The following GRK5 variants were observed in gnomAD, a reference collection of about 807,000 sequenced individuals.
GRK5 encodes g protein-coupled receptor kinase GRK5.
In GRK5, 40 loss-of-function variants were observed where a neutral mutation model predicts 78.4. That is an observed-to-expected ratio of 0.51 (90% CI 0.40 to 0.66). The LOEUF (loss-of-function observed/expected upper bound fraction) is 0.66, where lower values mean the gene tolerates loss of function less well. Ranked by LOEUF, GRK5 falls within the 30% of genes least tolerant of loss-of-function variation. The probability of loss-of-function intolerance (pLI) is 0.00; values close to 1 mark genes in which losing one functional copy is unlikely to be tolerated. For missense variants in GRK5, 598 were observed against 759.9 expected (o/e 0.79, Z 2.50); for synonymous variants, 289 against 296.8 (o/e 0.97, Z 0.27).
intron 1 of GRK5, among the ~76,000 whole-genome samples, chr10:119,243,798 A>G (rs888332533): frequency 6.6e-6 from 1 of 152,236 alleles, no homozygotes; most frequent in African/African-American, 2.4e-5. Flanking sequence ...AGTGCCACAC[A>G]GTGAAAACCA....
intron 12 of GRK5, among the ~76,000 whole-genome samples, chr10:119,444,571 G>A (rs986649854): frequency 6.6e-6 from 1 of 152,104 alleles, no homozygotes; most frequent in Admixed American, 6.5e-5. Context: ...TCCTCCTTAT[G>A]GTCCCCAGCA....
At chr10:119,349,125 C>G (rs1489417559) in intron 2 of GRK5, among the ~76,000 whole-genome samples, 1 of 152,166 alleles carries the variant, frequency 6.6e-6, no homozygotes, top group Non-Finnish European at 1.5e-5. Flanking sequence ...TTTGTTGTTT[C>G]AGGGAAGAAC....
chr10:119,264,463 C>T lies in GRK5; in HGVS notation c.52+56494C>T, dbSNP rs1849460031. Among the ~76,000 whole-genome samples, 1 of 152,148 alleles carries T rather than the reference C, an allele frequency of 6.6e-6. No homozygotes were observed. The highest frequency in any genetic ancestry group is 2.4e-5 in the African/African-American group (1 of 41,428). On this transcript the variant is annotated intron_variant, in intron 1 of 15. Transcript: ENST00000392870. This position sits in a 1 kb window ranked among gnomAD's most constrained non-coding sequence, Gnocchi z 4.1. ...CTTTCTGAGTGTTGGCCTCTCTCTCCTACTACCGCTCATCCTTCTCCCCAT... is the reference window on the plus strand; with the variant it reads ...CTTTCTGAGTGTTGGCCTCTCTCTCTTACTACCGCTCATCCTTCTCCCCAT...
At chr10:119,345,339 G>T (rs1851073325) in intron 2 of GRK5, among the ~76,000 whole-genome samples, 1 of 152,188 alleles carries the variant, frequency 6.6e-6, no homozygotes, top group East Asian at 1.9e-4. Context: ...TGAGAGGAGT[G>T]GTTCCCAGCC....
At position 119,387,306 on chromosome 10, in the gene GRK5, C is replaced by G. The variant is rs570850880; in HGVS notation, c.261+6379C>G. ...GACGTGAGCCACCGTGCCCGGCCTT[C>G]TGTGCAGTCTTAATGTCCACATTTC... On this transcript the variant is annotated intron_variant, in intron 3 of 15. Transcript: ENST00000392870. Among the ~76,000 whole-genome samples, 29 of 152,298 alleles carry G rather than the reference C, an allele frequency of 1.9e-4. 1 individual carries two copies. The South Asian group carries it at 2.1e-3, about 11-fold the overall frequency.
At chr10:119,292,149 T>C (rs1366865678) in intron 1 of GRK5, among the ~76,000 whole-genome samples, 31 of 64,124 alleles carry the variant, frequency 4.8e-4, no homozygotes, top group Non-Finnish European at 6.2e-4. Flanking sequence ...TCTCCTCCTC[T>C]TCCTCCTCCT....
chr10:119,390,128 G>A (rs912876117), intron 3 of GRK5, among the ~76,000 whole-genome samples: 2 of 152,214 alleles, frequency 1.3e-5, no homozygotes, highest in East Asian at 3.8e-4. Context: ...GCAGCTGGTG[G>A]GGGTGAGGAT....
intron 2 of GRK5, among the ~76,000 whole-genome samples, chr10:119,366,239 T>C (rs920631628): frequency 1.3e-5 from 2 of 151,994 alleles, no homozygotes; most frequent in Admixed American, 6.6e-5. Flanking sequence ...ACAAAAGGAG[T>C]GTAAACAGGA....
At chr10:119,321,455 G>T (rs1022440745) in intron 1 of GRK5, among the ~76,000 whole-genome samples, 6 of 152,162 alleles carry the variant, frequency 3.9e-5, no homozygotes, top group Non-Finnish European at 8.8e-5. Flanking sequence ...ATCCTTCCTG[G>T]CCTGCATGCC....
chr10:119,333,802 T>C (rs772855667), intron 2 of GRK5: 1 of 533,106 alleles, frequency 1.9e-6, no homozygotes, highest in Non-Finnish European at 3.8e-6. Flanking sequence ...CTGGAGCTCA[T>C]CCACCAAGGA....
intron 1 of GRK5, among the ~76,000 whole-genome samples, chr10:119,257,745 A>G (rs537778633): frequency 6.6e-6 from 1 of 151,642 alleles, no homozygotes; most frequent in South Asian, 2.1e-4. Context: ...ACAACCCCCA[A>G]AAAAGTGCTG....
chr10:119,342,870 G>A (rs1238389860), intron 2 of GRK5, among the ~76,000 whole-genome samples: 2 of 151,996 alleles, frequency 1.3e-5, no homozygotes, highest in Non-Finnish European at 2.9e-5. Flanking sequence ...ACTGACTCTC[G>A]GCAGACTTAG....
intron 1 of GRK5, among the ~76,000 whole-genome samples, chr10:119,318,257 C>T (rs1429174791): frequency 6.6e-6 from 1 of 152,248 alleles, no homozygotes; most frequent in Non-Finnish European, 1.5e-5. Flanking sequence ...AGGCAAGGTT[C>T]TTTCCTTTCT....
chr10:119,440,386 CTT>C (rs1005362791), intron 10 of GRK5, among the ~76,000 whole-genome samples: 4 of 145,424 alleles, frequency 2.8e-5, no homozygotes, highest in Non-Finnish European at 3.0e-5. Flanking sequence ...CCTATACCTT[CTT>C]TTTTTTTTTT....
chr10:119,393,334 C>T (rs1814625099), intron 3 of GRK5, among the ~76,000 whole-genome samples: 1 of 152,260 alleles, frequency 6.6e-6, no homozygotes, highest in South Asian at 2.1e-4. Flanking sequence ...ACCGGCGGGG[C>T]CTCTGCCGGG....
chr10:119,383,507 G>A (rs916724553), intron 3 of GRK5, among the ~76,000 whole-genome samples: 1 of 152,222 alleles, frequency 6.6e-6, no homozygotes, highest in African/African-American at 2.4e-5. Context: ...TGACCATGTG[G>A]TGACCCAGTG....
chr10:119,220,351 T>A (rs1848638335), intron 1 of GRK5, among the ~76,000 whole-genome samples: 1 of 152,164 alleles, frequency 6.6e-6, no homozygotes, highest in African/African-American at 2.4e-5. Flanking sequence ...AAATTAAAGC[T>A]TAATTCTCTA....
intron 2 of GRK5, among the ~76,000 whole-genome samples, chr10:119,350,982 T>C (rs549229499): frequency 2.0e-5 from 3 of 152,334 alleles, no homozygotes; most frequent in African/African-American, 7.2e-5. Flanking sequence ...GTGTTGCAGA[T>C]ACTGGGCTAA....
At chr10:119,403,177 T>C (rs1484151370) in intron 4 of GRK5, among the ~76,000 whole-genome samples, 2 of 152,212 alleles carry the variant, frequency 1.3e-5, no homozygotes, top group African/African-American at 4.8e-5. Flanking sequence ...CTGGCTTCTT[T>C]TTTTTTTGAG....
Sources: gnomAD v4.1 joint callset for allele counts (sites outside exome capture counted in the v4.1 genomes callset) on GRCh38, gnomAD v4.1.1 for gene constraint, Gnocchi (gnomAD v3.1) non-coding constraint, MANE v1.5 for transcripts, NCBI Gene and HGNC (gene_info 2026-07-23, HGNC 2026-07-21) for gene names.